The following PIEZO2 variants were observed in gnomAD, a reference collection of about 807,000 sequenced individuals.
The protein encoded by PIEZO2 is piezo type mechanosensitive ion channel component 2.
PIEZO2 carries 172 observed loss-of-function variants against 337.3 expected under a neutral mutation model. That is an observed-to-expected ratio of 0.51 (90% CI 0.45 to 0.58). PIEZO2 has a LOEUF of 0.58. Among genes scored for constraint, PIEZO2 ranks in the 20% least tolerant of loss-of-function variants. PIEZO2 has a pLI of 0.00. For missense variants in PIEZO2, 3,028 were observed against 3,391.3 expected, an observed-to-expected ratio of 0.89 and a Z score of 2.66; for synonymous variants, 1,251 against 1,228.5, an observed-to-expected ratio of 1.02 and a Z score of -0.38.
At chr18:10,736,527 G>A (rs1259283198) in intron 34 of PIEZO2, 77 bp downstream of exon 34, 2 of 1,520,444 alleles carry the variant, frequency 1.3e-6, no homozygotes, top group Non-Finnish European at 8.8e-7. Flanking sequence ...TACAGGAGGT[G>A]TCTAGGCCTG....
chr18:10,848,035 C>T (rs2041418969), intron 7 of PIEZO2, among the ~76,000 whole-genome samples: 2 of 152,234 alleles, frequency 1.3e-5, no homozygotes, highest in African/African-American at 2.4e-5. Flanking sequence ...TCTTTCTGTG[C>T]TGTTTCTGTT....
intron 1 of PIEZO2, among the ~76,000 whole-genome samples, chr18:11,068,767 G>T (rs1200428956): frequency 6.6e-6 from 1 of 151,902 alleles, no homozygotes; most frequent in African/African-American, 2.4e-5. Flanking sequence ...AAAAGAAATA[G>T]AATCCACAAA....
intron 2 of PIEZO2, among the ~76,000 whole-genome samples, chr18:10,991,264 G>T (rs1351048126): frequency 1.3e-5 from 2 of 150,856 alleles, no homozygotes; most frequent in Non-Finnish European, 2.9e-5. Context: ...AAGTTCTGGG[G>T]TACATGTACA....
intron 3 of PIEZO2, among the ~76,000 whole-genome samples, chr18:10,918,031 T>A (rs1302950693): frequency 6.6e-6 from 1 of 152,228 alleles, no homozygotes. Flanking sequence ...ATAGTGACAT[T>A]TTACTTTGCC....
At position 11,070,073 on chromosome 18, in the gene PIEZO2, T is replaced by G. The variant is rs2038282977; in HGVS notation, c.65-3851A>C. Among the ~76,000 whole-genome samples the G allele has an allele frequency of 6.6e-6, 1 of 152,192 alleles. No homozygotes were observed. The highest frequency in any genetic ancestry group is 2.4e-5 in the African/African-American group (1 of 41,444). On this transcript the variant is annotated intron_variant, in intron 1 of 55. Coordinates refer to ENST00000674853, the MANE Select transcript of PIEZO2 (RefSeq NM_001378183.1). The surrounding 1 kb of genome is among the most constrained non-coding windows in gnomAD (Gnocchi z 4.3). ...GCAATATGCTCTGAGAAATGCATTG[T>G]TAGGTAGTTTTGTCCTTGTGGGAAC... is the stretch of plus-strand genomic sequence containing the variant.
intron 1 of PIEZO2, among the ~76,000 whole-genome samples, chr18:11,118,443 C>A (rs563529207): frequency 1.3e-5 from 2 of 152,286 alleles, no homozygotes; most frequent in South Asian, 2.1e-4. Flanking sequence ...AAGATGAGAA[C>A]AAACTATTCC....
intron 17 of PIEZO2, among the ~76,000 whole-genome samples, chr18:10,782,361 A>T (rs1359781856): frequency 1.5e-4 from 8 of 53,596 alleles, no homozygotes; most frequent in Admixed American, 7.0e-4. Flanking sequence ...TTATAATTAT[A>T]TATAAATAAT....
rs1439154737 is a variant in PIEZO2, at chr18:10,942,748, A to G, written c.287-31520T>C. ...GAGCCAAATATTAATCCCCAAGACA[A>G]TGGGAAAAATGTCTCCAGGGCATGT... On this transcript the variant is annotated intron_variant, in intron 3 of 55. Coordinates refer to ENST00000674853, the MANE Select transcript of PIEZO2 (RefSeq NM_001378183.1). The surrounding 1 kb of genome is among the most constrained non-coding windows in gnomAD (Gnocchi z 4.4). 2.6e-5 allele frequency among the ~76,000 whole-genome samples: 4 copies of G among 152,166 alleles called. No homozygotes were observed. Among genetic ancestry groups the G allele is most frequent in the Non-Finnish European group, 5.9e-5 (4 of 68,010 alleles).
chr18:10,732,975 C>T (rs545553383), intron 35 of PIEZO2, among the ~76,000 whole-genome samples: 2 of 150,392 alleles, frequency 1.3e-5, no homozygotes, highest in South Asian at 4.2e-4. Flanking sequence ...GCACGAATCC[C>T]GAAAATAGAA....
chr18:10,866,607 G>A (rs1224353497), intron 5 of PIEZO2, among the ~76,000 whole-genome samples: 3 of 152,136 alleles, frequency 2.0e-5, no homozygotes, highest in African/African-American at 7.2e-5. Context: ...AATGAAGGTG[G>A]CTCTCACTGA....
In PIEZO2 at chr18:11,097,545, C is replaced by T. The variant is rs2039295262; in HGVS notation, c.65-31323G>A. ...ACAGGGCCTGGCCATAACTGCTTCA[C>T]AGTTTGAAGACAGCAAAAGCTATTT... On this transcript the variant is annotated intron_variant, in intron 1 of 55. Transcript: ENST00000674853. The surrounding 1 kb of genome is among the most constrained non-coding windows in gnomAD (Gnocchi z 5.0). 1.3e-5 allele frequency among the ~76,000 whole-genome samples: 2 copies of T among 152,364 alleles called. No individual in the cohort carries two copies. The highest frequency in any genetic ancestry group is 2.1e-4 in the South Asian group (1 of 4,832).
At position 11,077,766 on chromosome 18, in the gene PIEZO2, T is replaced by G. The variant is rs371304596; in HGVS notation, c.65-11544A>C. Among the ~76,000 whole-genome samples, 22 of 152,310 alleles carry G rather than the reference T, an allele frequency of 1.4e-4. 1 individual carries two copies. The South Asian group carries it at 4.6e-3, about 32-fold the overall frequency. ...TGAACCACTGACCTTGGTAGTTCTA[T>G]ATGTCAAAAACAGGTAGATACTAAC... On this transcript the variant is annotated intron_variant, in intron 1 of 55. Transcript: ENST00000674853. This position sits in a 1 kb window ranked among gnomAD's most constrained non-coding sequence, Gnocchi z 4.8.
chr18:10,801,819 G>C (rs2039826266), intron 9 of PIEZO2, among the ~76,000 whole-genome samples: 1 of 152,140 alleles, frequency 6.6e-6, no homozygotes, highest in Non-Finnish European at 1.5e-5. Context: ...CGGCGCGGTA[G>C]CTCACGCCTG....
At chr18:10,768,185 G>A (rs534371845) in intron 21 of PIEZO2, among the ~76,000 whole-genome samples, 60 of 152,296 alleles carry the variant, frequency 3.9e-4, no homozygotes, top group Non-Finnish European at 7.4e-4. Context: ...CCCGAGTCTC[G>A]ATGATTCTCT....
chr18:10,818,232 G>C (rs969936654), intron 7 of PIEZO2, among the ~76,000 whole-genome samples: 1 of 152,126 alleles, frequency 6.6e-6, no homozygotes, highest in Non-Finnish European at 1.5e-5. Flanking sequence ...ATTTCTTGAA[G>C]TACTTAGATT....
intron 2 of PIEZO2, among the ~76,000 whole-genome samples, chr18:11,062,036 G>A (rs2037980897): frequency 6.6e-6 from 1 of 152,154 alleles, no homozygotes; most frequent in Admixed American, 6.5e-5. Context: ...AACCAAAACA[G>A]CATGGTACTG....
At chr18:10,941,995 T>C (rs1387692194) in intron 3 of PIEZO2, among the ~76,000 whole-genome samples, 2 of 152,168 alleles carry the variant, frequency 1.3e-5, no homozygotes, top group Non-Finnish European at 2.9e-5. Flanking sequence ...GATGGGAGTT[T>C]CTCTGTACAA....
chr18:10,804,333 C>T (rs1338917952), intron 8 of PIEZO2, among the ~76,000 whole-genome samples: 2 of 152,174 alleles, frequency 1.3e-5, no homozygotes, highest in Non-Finnish European at 2.9e-5. Context: ...CACAAAGGTG[C>T]GCGGTTAACC....
Position 10,800,319 on chromosome 18 carries a change from T to G in PIEZO2, c.1378+18A>C. 2 of 1,525,656 alleles carry G rather than the reference T, an allele frequency of 1.3e-6. No individual in the cohort carries two copies. The highest frequency in any genetic ancestry group is 1.8e-6 in the Non-Finnish European group (2 of 1,142,378). 94.5% of individuals were successfully genotyped at this position (1,525,656 alleles called of 1,614,324 possible). On this transcript the variant is annotated intron_variant, in intron 11 of 55. Transcript: ENST00000674853. Reference sequence around the variant, plus strand: ...AATGAGGAAGAAATGCGACCCTGAGTGCAGGGCTGGCTCCTACCTGAGGAT... The same window carrying G: ...AATGAGGAAGAAATGCGACCCTGAGGGCAGGGCTGGCTCCTACCTGAGGAT...
Sources: gnomAD v4.1 joint callset for allele counts (sites outside exome capture counted in the v4.1 genomes callset) on GRCh38, gnomAD v4.1.1 for gene constraint, Gnocchi (gnomAD v3.1) non-coding constraint, MANE v1.5 for transcripts, NCBI Gene and HGNC (gene_info 2026-07-23, HGNC 2026-07-21) for gene names.